The following CHD9 variants were observed in gnomAD, a reference collection of about 807,000 sequenced individuals.
CHD9 encodes the protein ATP-dependent chromatin remodeler CHD9.
In CHD9, 77 loss-of-function variants were observed where a neutral mutation model predicts 316.1. The ratio of observed to expected loss-of-function variants is 0.24; its 90% CI spans 0.20 to 0.29. The LOEUF is 0.29. Among genes scored for constraint, CHD9 ranks in the 10% least tolerant of loss-of-function variants. CHD9 has a pLI of 1.00. For synonymous variants in CHD9, 1,129 were observed against 1,158.3 expected (o/e 0.97, Z 0.51); for missense variants, 2,763 against 3,438.1 (o/e 0.80, Z 4.91).
At chr16:53,232,372 C>T (rs181406183) in intron 10 of CHD9, among the ~76,000 whole-genome samples, 54 of 152,230 alleles carry the variant, frequency 3.5e-4, no homozygotes, top group Non-Finnish European at 6.2e-4. Flanking sequence ...GTCAAAGGTG[C>T]ATATCAGAAT....
chr16:53,058,112 G>T (rs2032382537), intron 1 of CHD9, among the ~76,000 whole-genome samples: 1 of 151,970 alleles, frequency 6.6e-6, no homozygotes, highest in South Asian at 2.1e-4. Flanking sequence ...CAAATAAGGT[G>T]TCTTTTGTCT....
chr16:53,106,208 G>A (rs932619737), intron 1 of CHD9, among the ~76,000 whole-genome samples: 3 of 152,162 alleles, frequency 2.0e-5, no homozygotes, highest in African/African-American at 7.2e-5. Context: ...CAGCACATTG[G>A]TCAGTTAGTT....
intron 1 of CHD9, among the ~76,000 whole-genome samples, chr16:53,146,437 A>ATATATATATAT (rs58622741): frequency 1.0e-4 from 13 of 129,686 alleles, no homozygotes; most frequent in African/African-American, 1.6e-4. Context: ...ATATATATAT[A>ATATATATATAT]ATTAAAAAGT....
intron 1 of CHD9, among the ~76,000 whole-genome samples, chr16:53,113,803 G>T (rs550023097): frequency 6.6e-6 from 1 of 151,988 alleles, no homozygotes; most frequent in East Asian, 1.9e-4. Context: ...ACTCCTAGGC[G>T]TAAGCGATTC....
intron 3 of CHD9, among the ~76,000 whole-genome samples, chr16:53,211,159 T>G (rs941145072): frequency 6.6e-6 from 1 of 152,068 alleles, no homozygotes; most frequent in Non-Finnish European, 1.5e-5. Flanking sequence ...AAACAATGCA[T>G]AAAATGAGGA....
At chr16:53,291,962 T>C (rs184231821) in intron 28 of CHD9, among the ~76,000 whole-genome samples, 195 bp downstream of exon 28, 1 of 152,382 alleles carries the variant, frequency 6.6e-6, no homozygotes, top group East Asian at 1.9e-4. Context: ...CTTCAGGCAG[T>C]GACTCACTGA....
Position 53,245,466 on chromosome 16 carries a change from A to G in CHD9, c.3185A>G (p.Lys1062Arg), listed in dbSNP as rs370525012. The change falls in exon 14 of 39, where the codon AAA becomes AGA. Residue 1062 changes from lysine to arginine, a missense_variant. Physicochemically the swap from Lys to Arg is conservative, Grantham distance 26. Transcript: ENST00000447540. The surrounding 1 kb of genome is among the most constrained non-coding windows in gnomAD (Gnocchi z 4.1). ...TTTATGCAAGAATTTGGGGATCTGAAAACAGAGGAACAGGTATCCTATTGC... is the reference window on the plus strand; with the variant it reads ...TTTATGCAAGAATTTGGGGATCTGAGAACAGAGGAACAGGTATCCTATTGC... ...STFMQEFGDL[K>R]TEEQVQKLQA... 8 of 1,595,110 alleles carry G rather than the reference A, an allele frequency of 5.0e-6. No individual in the cohort carries two copies. The highest frequency in any genetic ancestry group is 3.4e-6 in the Non-Finnish European group (4 of 1,174,526).
chr16:53,087,483 A>C (rs749545459), intron 1 of CHD9, among the ~76,000 whole-genome samples: 1 of 152,150 alleles, frequency 6.6e-6, no homozygotes, highest in Non-Finnish European at 1.5e-5. Flanking sequence ...AAGCCAGGAG[A>C]CTTGATTCAA....
intron 1 of CHD9, among the ~76,000 whole-genome samples, chr16:53,094,861 ACTC>A (rs2036250495): frequency 1.3e-5 from 2 of 150,634 alleles, no homozygotes; most frequent in Admixed American, 1.3e-4. Context: ...TTGGTTTTGA[ACTC>A]CTGACCTCAG....
At chr16:53,131,626 C>A (rs1176658099) in intron 1 of CHD9, among the ~76,000 whole-genome samples, 1 of 151,648 alleles carries the variant, frequency 6.6e-6, no homozygotes, top group Admixed American at 6.6e-5. Flanking sequence ...GGAAGGCGGG[C>A]CCTCTTCCCC....
At chr16:53,303,130 A>G (rs1180974693) in intron 30 of CHD9, among the ~76,000 whole-genome samples, 1 of 151,708 alleles carries the variant, frequency 6.6e-6, no homozygotes, top group Non-Finnish European at 1.5e-5. Context: ...GGCCCAGGAC[A>G]GCTTTGAATG....
At position 53,268,053 on chromosome 16, in the gene CHD9, G is replaced by A; in HGVS notation, c.4644G>A (p.Lys1548=). 1.2e-6 allele frequency: 2 copies of A among 1,613,424 alleles called. No individual in the cohort carries two copies. The highest frequency in any genetic ancestry group is 2.7e-5 in the African/African-American group (2 of 75,002). Residue 1548 remains lysine (K), a synonymous_variant, in exon 22 of 39, where the codon AAG becomes AAA. Coordinates refer to ENST00000447540, the MANE Select transcript of CHD9 (RefSeq NM_001308319.2). ...YCLVHYRGDE[K]IKGFIWDLIT... is the part of the protein sequence containing the mutation. ...TTGTTCACTACCGAGGAGATGAGAA[G>A]ATTAAAGGTTTCATATGGGATCTCA...
chr16:53,279,876 A>G (rs191382180), intron 24 of CHD9, among the ~76,000 whole-genome samples: 25 of 152,342 alleles, frequency 1.6e-4, no homozygotes, highest in Admixed American at 1.6e-3. Flanking sequence ...ACAAATAGAC[A>G]ATTCTCAAAA....
At chr16:53,155,055 A>G (rs1442512751) in intron 1 of CHD9, among the ~76,000 whole-genome samples, 2 of 152,104 alleles carry the variant, frequency 1.3e-5, no homozygotes, top group Non-Finnish European at 1.5e-5. Flanking sequence ...TAACATTGTT[A>G]TAAGTTTCAA....
At chr16:53,259,418 A>G (rs2152986062) in intron 19 of CHD9, among the ~76,000 whole-genome samples, 1 of 152,314 alleles carries the variant, frequency 6.6e-6, no homozygotes, top group Non-Finnish European at 1.5e-5. Context: ...TTAGGTAAAC[A>G]ACCAAAAAGT....
At chr16:53,143,400 T>TTATTTATTTATTTATC (rs1380176296) in intron 1 of CHD9, among the ~76,000 whole-genome samples, 5 of 141,550 alleles carry the variant, frequency 3.5e-5, no homozygotes, top group Admixed American at 2.1e-4. Flanking sequence ...ATTTATTTAT[T>TTATTTATTTATTTATC]TATCTGAGGC....
At chr16:53,170,586 TG>T (rs1445451366) in intron 2 of CHD9, among the ~76,000 whole-genome samples, 3 of 141,150 alleles carry the variant, frequency 2.1e-5, no homozygotes, top group African/African-American at 8.1e-5. Flanking sequence ...TTCGTGTGTG[TG>T]TGTGTGTGTG....
At chr16:53,306,160 A>T in intron 31 of CHD9, 77 bp from the exon 32 acceptor site, 1 of 831,470 alleles carries the variant, frequency 1.2e-6, no homozygotes, top group Non-Finnish European at 1.7e-6. Flanking sequence ...GTGTTTCTGA[A>T]TAATTATGTA....
intron 17 of CHD9, among the ~76,000 whole-genome samples, chr16:53,252,132 C>T (rs754445100): frequency 6.6e-6 from 1 of 152,176 alleles, no homozygotes; most frequent in Non-Finnish European, 1.5e-5. Flanking sequence ...GAAGGCATCA[C>T]ACTACCTGAC....
Sources: allele counts gnomAD v4.1 joint callset (sites outside exome capture counted in the v4.1 genomes callset), GRCh38; gene constraint gnomAD v4.1.1; non-coding constraint Gnocchi (gnomAD v3.1); transcripts MANE v1.5; gene names NCBI Gene and HGNC (gene_info 2026-07-23, HGNC 2026-07-21).